Variants in JARID2 observed in about 807,000 individuals in gnomAD.
The protein encoded by JARID2 is jumonji and AT-rich interaction domain containing 2, also known as protein Jumonji.
A neutral mutation model predicts 125.6 loss-of-function variants in JARID2; 21 were observed. The observed-to-expected ratio is 0.17, with a 90% confidence interval of 0.12 to 0.24. The LOEUF (loss-of-function observed/expected upper bound fraction) is 0.24, where lower values mean the gene tolerates loss of function less well. JARID2 is among the 10% of genes least tolerant of loss of function. JARID2 has a pLI of 1.00. For missense variants in JARID2, 1,303 were observed against 1,639.6 expected, an observed-to-expected ratio of 0.79 and a Z score of 3.55; for synonymous variants, 736 against 661.6, an observed-to-expected ratio of 1.11 and a Z score of -1.73.
At chr6:15,253,733 C>T (rs1487581889) in intron 1 of JARID2, among the ~76,000 whole-genome samples, 1 of 152,100 alleles carries the variant, frequency 6.6e-6, no homozygotes, top group Non-Finnish European at 1.5e-5. Flanking sequence ...CCCAGAAAAG[C>T]ATGGATTATA....
At chr6:15,323,236 T>C (rs1762417439) in intron 1 of JARID2, among the ~76,000 whole-genome samples, 1 of 152,264 alleles carries the variant, frequency 6.6e-6, no homozygotes, top group East Asian at 1.9e-4. Context: ...CCTGATTGCC[T>C]TCTCTATCCA....
intron 1 of JARID2, among the ~76,000 whole-genome samples, chr6:15,252,257 G>A (rs1378899896): frequency 2.6e-5 from 4 of 152,058 alleles, no homozygotes; most frequent in African/African-American, 7.2e-5. Context: ...CAAAAAAACC[G>A]TAATTAAAAG....
At chr6:15,503,965 C>T (rs1186717279) in intron 8 of JARID2, among the ~76,000 whole-genome samples, 11 of 152,228 alleles carry the variant, frequency 7.2e-5, no homozygotes, top group Non-Finnish European at 1.5e-4. Flanking sequence ...AGAAGGCGAC[C>T]AGGTCGCAAC....
intron 1 of JARID2, among the ~76,000 whole-genome samples, chr6:15,247,062 A>C (rs1404162989): frequency 6.6e-6 from 1 of 152,232 alleles, no homozygotes; most frequent in African/African-American, 2.4e-5. Context: ...TTGCACTGGC[A>C]CATCAAATTT....
At chr6:15,349,766 G>A (rs1763363851) in intron 1 of JARID2, among the ~76,000 whole-genome samples, 2 of 152,132 alleles carry the variant, frequency 1.3e-5, no homozygotes, top group African/African-American at 4.8e-5. Context: ...ATGAAGGCTG[G>A]GGATGCTACC....
At chr6:15,345,517 G>A (rs184117213) in intron 1 of JARID2, among the ~76,000 whole-genome samples, 8 of 152,286 alleles carry the variant, frequency 5.3e-5, no homozygotes, top group Admixed American at 2.0e-4. Context: ...CTTTTGATAG[G>A]AAGTAGTATA....
chr6:15,516,369 C>A (rs1211948664), intron 16 of JARID2, among the ~76,000 whole-genome samples: 1 of 152,336 alleles, frequency 6.6e-6, no homozygotes, highest in African/African-American at 2.4e-5. Context: ...GGGAGCCCTC[C>A]GGCAGAAGCC....
chr6:15,511,876 G>A (rs1771296845), intron 13 of JARID2, among the ~76,000 whole-genome samples: 1 of 152,172 alleles, frequency 6.6e-6, no homozygotes, highest in Non-Finnish European at 1.5e-5. Flanking sequence ...AGCCCAGCCT[G>A]TGGGCCTGTG....
intron 3 of JARID2, among the ~76,000 whole-genome samples, chr6:15,424,655 C>A (rs1240340859): frequency 6.6e-6 from 1 of 151,998 alleles, no homozygotes; most frequent in African/African-American, 2.4e-5. Context: ...GTCGGGAGTT[C>A]GAGACCAGTG....
At chr6:15,338,296 A>C (rs1012113710) in intron 1 of JARID2, among the ~76,000 whole-genome samples, 1 of 151,794 alleles carries the variant, frequency 6.6e-6, no homozygotes, top group African/African-American at 2.4e-5. Context: ...TCTCTTCACC[A>C]CTCCCAGCTT....
At chr6:15,421,333 A>G (rs1222436597) in intron 3 of JARID2, among the ~76,000 whole-genome samples, 1 of 152,002 alleles carries the variant, frequency 6.6e-6, no homozygotes, top group Non-Finnish European at 1.5e-5. Context: ...ATGTTGAATG[A>G]GAGTGTGAGA....
At chr6:15,373,896 T>G (rs923972301) in intron 1 of JARID2, among the ~76,000 whole-genome samples, 1 of 152,214 alleles carries the variant, frequency 6.6e-6, no homozygotes, top group Non-Finnish European at 1.5e-5. Flanking sequence ...GGTTGTGTGT[T>G]GCTTTCATTC....
At chr6:15,483,036 G>A (rs1688177132) in intron 5 of JARID2, among the ~76,000 whole-genome samples, 1 of 152,154 alleles carries the variant, frequency 6.6e-6, no homozygotes, top group African/African-American at 2.4e-5. Flanking sequence ...TTCTGTCATT[G>A]GCAGCAACGA....
rs1255122189 is a variant in JARID2, at chr6:15,504,598, AG to A, written c.2541+7del. 6.2e-7 allele frequency: 1 copy of A among 1,604,760 alleles called. No individual in the cohort carries two copies. Among genetic ancestry groups the A allele is most frequent in the Non-Finnish European group, 8.5e-7 (1 of 1,171,578 alleles). On this transcript the variant is annotated splice_region_variant and intron_variant, in intron 9 of 17. Transcript: ENST00000341776. Reference sequence around the variant, plus strand: ...CTGCCCCAGCCGAAATCGAGGTGAGAGAAGGGGCCCCTCACGCTGCCTCTCA... The same window carrying A: ...CTGCCCCAGCCGAAATCGAGGTGAGAAAGGGGCCCCTCACGCTGCCTCTCA...
intron 1 of JARID2, among the ~76,000 whole-genome samples, chr6:15,342,011 G>T (rs548743873): frequency 3.3e-5 from 5 of 151,982 alleles, no homozygotes; most frequent in East Asian, 3.9e-4. Flanking sequence ...AATAAAAAGG[G>T]GGGGGACAGC....
chr6:15,306,322 A>G (rs12212013), intron 1 of JARID2, among the ~76,000 whole-genome samples: 5,341 of 140,954 alleles, frequency 0.038, 155 homozygotes, highest in South Asian at 0.12. Context: ...CAACATAGTC[A>G]TATTTCTTTT....
chr6:15,395,486 C>T (rs534096686), intron 2 of JARID2, among the ~76,000 whole-genome samples: 14 of 151,890 alleles, frequency 9.2e-5, no homozygotes, highest in African/African-American at 3.4e-4. Flanking sequence ...AGGATGGTCT[C>T]GATCTCCTGA....
chr6:15,325,648 C>T (rs923527418), intron 1 of JARID2, among the ~76,000 whole-genome samples: 1 of 152,146 alleles, frequency 6.6e-6, no homozygotes, highest in Non-Finnish European at 1.5e-5. Context: ...CAAGGAAATT[C>T]TTATTTACCG....
intron 1 of JARID2, among the ~76,000 whole-genome samples, chr6:15,368,224 G>A (rs1764044569): frequency 6.6e-6 from 1 of 152,110 alleles, no homozygotes; most frequent in Admixed American, 6.5e-5. Context: ...GCCTGTACAA[G>A]GTTTTAATTT....
Sources: allele counts gnomAD v4.1 joint callset (sites outside exome capture counted in the v4.1 genomes callset), GRCh38; gene constraint gnomAD v4.1.1; transcripts MANE v1.5; gene names NCBI Gene and HGNC (gene_info 2026-07-23, HGNC 2026-07-21).